The following DMD variants were observed in gnomAD, a reference collection of about 807,000 sequenced individuals.
The protein encoded by DMD is mutant dystrophin.
In DMD, 63 loss-of-function variants were observed where a neutral mutation model predicts 330.1. The ratio of observed to expected loss-of-function variants is 0.19; its 90% CI spans 0.16 to 0.24. The LOEUF is 0.24. Among genes scored for constraint, DMD ranks in the 10% least tolerant of loss-of-function variants. The pLI is 1.00. For missense variants in DMD, 3,344 were observed against 2,684.1 expected, an observed-to-expected ratio of 1.25 and a Z score of -5.43; for synonymous variants, 1,223 against 959.8, an observed-to-expected ratio of 1.27 and a Z score of -5.07.
intron 2 of DMD, among the ~76,000 whole-genome samples, chrX:32,989,874 C>G (rs2092932315): frequency 9.0e-6 from 1 of 111,555 alleles, no homozygotes; most frequent in Non-Finnish European, 1.9e-5. Context: ...ATTGTCACTC[C>G]ATTTTCTTAG....
intron 22 of DMD, among the ~76,000 whole-genome samples, chrX:32,469,918 G>C (rs940241598): frequency 5.0e-4 from 55 of 110,527 alleles, no homozygotes; most frequent in African/African-American, 1.7e-3. Context: ...AGTGTATTCT[G>C]ATTATTTCCA....
At chrX:32,415,699 AGAC>A (rs1019154834) in intron 29 of DMD, among the ~76,000 whole-genome samples, 1 of 112,264 alleles carries the variant, frequency 8.9e-6, no homozygotes, top group African/African-American at 3.2e-5. Flanking sequence ...TTATATAGCT[AGAC>A]AGAAACAGCA....
rs772036977 is a variant in DMD, at chrX:32,040,827, G to A, written c.6439-72313C>T. Among the ~76,000 whole-genome samples the A allele has an allele frequency of 8.1e-5, 9 of 111,484 alleles. No homozygotes were observed. The South Asian group carries it at 3.1e-3, about 38-fold the overall frequency. Reference sequence around the variant, plus strand: ...ACTGAAAAGCTGCATGGGCCATGCAGTGTTAAACTCAAGAAATTGAGGCCT... The same window carrying A: ...ACTGAAAAGCTGCATGGGCCATGCAATGTTAAACTCAAGAAATTGAGGCCT... On this transcript the variant is annotated intron_variant, in intron 44 of 78. Transcript: ENST00000357033.
At chrX:33,014,853 T>C (rs2093769900) in intron 2 of DMD, among the ~76,000 whole-genome samples, 1 of 112,008 alleles carries the variant, frequency 8.9e-6, no homozygotes, top group African/African-American at 3.2e-5. Context: ...AATGCCCTTT[T>C]ATTATATGTT....
intron 60 of DMD, among the ~76,000 whole-genome samples, chrX:31,426,999 A>C (rs1447098041): frequency 8.9e-6 from 1 of 112,409 alleles, no homozygotes; most frequent in Admixed American, 9.5e-5. Flanking sequence ...TACTTGGCCA[A>C]ATAAGGTAAA....
intron 64 of DMD, among the ~76,000 whole-genome samples, chrX:31,210,184 C>T (rs764099747): frequency 2.7e-5 from 3 of 111,678 alleles, no homozygotes; most frequent in Non-Finnish European, 5.6e-5. Flanking sequence ...AATCATTAAG[C>T]GCTTTTCTCC....
chrX:32,726,495 C>T (rs2066896383), intron 7 of DMD, among the ~76,000 whole-genome samples: 1 of 110,896 alleles, frequency 9.0e-6, no homozygotes, highest in Admixed American at 9.6e-5. Flanking sequence ...CATAAAAATA[C>T]AGCTATTATA....
chrX:32,323,086 T>C (rs1026480163), intron 41 of DMD, among the ~76,000 whole-genome samples: 18 of 112,060 alleles, frequency 1.6e-4, no homozygotes, highest in Non-Finnish European at 2.1e-4. Context: ...GATGGCTGTG[T>C]CTGCACTGAA....
intron 7 of DMD, among the ~76,000 whole-genome samples, chrX:32,782,082 C>A (rs1461357786): frequency 9.0e-6 from 1 of 111,463 alleles, no homozygotes; most frequent in East Asian, 2.8e-4. Flanking sequence ...AGAATAAAAA[C>A]CAATTTTGAA....
chrX:32,481,470 T>G (rs1157745840), intron 21 of DMD, among the ~76,000 whole-genome samples: 1 of 111,781 alleles, frequency 8.9e-6, no homozygotes, highest in Non-Finnish European at 1.9e-5. Flanking sequence ...AAATGTCTAC[T>G]GCTCTTAAAA....
At chrX:32,822,297 G>A (rs1008399115) in intron 5 of DMD, among the ~76,000 whole-genome samples, 1 of 110,529 alleles carries the variant, frequency 9.0e-6, no homozygotes, top group East Asian at 2.8e-4. Context: ...CCATGGCCCA[G>A]AACAGGGGTG....
At position 33,211,486 on chromosome X, in the gene DMD, A is replaced by C; in HGVS notation, c.-174T>G. 1 of 1,111,886 alleles carries C rather than the reference A, an allele frequency of 9.0e-7. No homozygotes were observed. Among genetic ancestry groups the C allele is most frequent in the East Asian group, 3.4e-5 (1 of 29,257 alleles). 91.6% of individuals were successfully genotyped at this position (1,111,886 alleles called of 1,213,427 possible). A position where few individuals can be genotyped will look rare whatever the true frequency, so the allele number is the denominator to read the frequency against. On this transcript the variant is annotated 5_prime_UTR_variant, in exon 1 of 79. Transcript: ENST00000357033. ...TTCTCCGAAGGTAATTGCCTCCCAG[A>C]TCTGAGTCCTGTAGGGGGAAAGTGA...
intron 13 of DMD, among the ~76,000 whole-genome samples, chrX:32,590,270 C>G (rs565256064): frequency 8.9e-6 from 1 of 112,264 alleles, no homozygotes; most frequent in Admixed American, 9.4e-5. Context: ...AAGTGAGAAA[C>G]CATACCAGTG....
chrX:33,211,185 C>G, intron 1 of DMD, 97 bp downstream of exon 1: 1 of 1,019,365 alleles, frequency 9.8e-7, no homozygotes, highest in Non-Finnish European at 1.4e-6. Flanking sequence ...TTGCAAACTA[C>G]TGTGATAATT....
chrX:32,249,178 T>G (rs757657726), intron 43 of DMD, among the ~76,000 whole-genome samples: 1 of 111,946 alleles, frequency 8.9e-6, no homozygotes, highest in African/African-American at 3.2e-5. Flanking sequence ...TGGTTATGCA[T>G]TAAATAATCT....
chrX:31,474,166 C>T (rs920258044), intron 59 of DMD, among the ~76,000 whole-genome samples: 4 of 111,712 alleles, frequency 3.6e-5, no homozygotes, highest in Non-Finnish European at 7.5e-5. Flanking sequence ...TCACCACCCG[C>T]AGATGATCAG....
chrX:32,010,196 A>G (rs994614023), intron 44 of DMD, among the ~76,000 whole-genome samples: 1 of 112,030 alleles, frequency 8.9e-6, no homozygotes, highest in Admixed American at 9.4e-5. Flanking sequence ...GTGCGCATTC[A>G]GTAACATGAA....
intron 44 of DMD, among the ~76,000 whole-genome samples, chrX:32,054,873 G>A (rs1465426931): frequency 1.1e-5 from 1 of 89,885 alleles, no homozygotes; most frequent in African/African-American, 4.1e-5. Flanking sequence ...GGAAGGGAAG[G>A]GGAGGGGAGG....
intron 60 of DMD, among the ~76,000 whole-genome samples, chrX:31,380,845 T>C (rs992542569): frequency 1.5e-4 from 17 of 109,852 alleles, no homozygotes; most frequent in Admixed American, 9.8e-4. Context: ...CTCAGCAAAT[T>C]ACCTGGGCTG....
Sources: allele counts gnomAD v4.1 joint callset (sites outside exome capture counted in the v4.1 genomes callset), GRCh38; gene constraint gnomAD v4.1.1; transcripts MANE v1.5; gene names NCBI Gene and HGNC (gene_info 2026-07-23, HGNC 2026-07-21).